The following ATG7 variants were observed in gnomAD, a reference collection of about 807,000 sequenced individuals.
The protein encoded by ATG7 is ubiquitin-like modifier-activating enzyme ATG7.
In ATG7, 70 loss-of-function variants were observed where a neutral mutation model predicts 82.4. That is an observed-to-expected ratio of 0.85 (90% CI 0.70 to 1.04). The LOEUF is 1.04. Among genes scored for constraint, ATG7 ranks in the 50% least tolerant of loss-of-function variants. The probability of loss-of-function intolerance (pLI) is 0.00; values close to 1 mark genes in which losing one functional copy is unlikely to be tolerated. For synonymous variants in ATG7, 287 were observed against 313.0 expected, an observed-to-expected ratio of 0.92 and a Z score of 0.88; for missense variants, 792 against 864.3, an observed-to-expected ratio of 0.92 and a Z score of 1.05.
chr3:11,509,001 A>G (rs2091900336), intron 20 of ATG7, among the ~76,000 whole-genome samples: 2 of 152,224 alleles, frequency 1.3e-5, no homozygotes, highest in African/African-American at 2.4e-5. Context: ...TTTCCAAACA[A>G]ACAGATCCCT....
intron 20 of ATG7, among the ~76,000 whole-genome samples, chr3:11,551,222 A>G (rs772643189): frequency 1.3e-5 from 2 of 152,134 alleles, no homozygotes; most frequent in Non-Finnish European, 2.9e-5. Flanking sequence ...CGGGGGTTTC[A>G]TGGCGTCTCC....
At chr3:11,390,154 T>C (rs2078678050) in intron 19 of ATG7, among the ~76,000 whole-genome samples, 1 of 152,242 alleles carries the variant, frequency 6.6e-6, no homozygotes, top group South Asian at 2.1e-4. Context: ...CTATTTATTT[T>C]GTTGCCTGAG....
In ATG7 at chr3:11,318,265, G is replaced by A. The variant is rs554359273; in HGVS notation, c.678+2772G>A. On this transcript the variant is annotated intron_variant, in intron 9 of 20. Coordinates refer to ENST00000693202, the MANE Select transcript of ATG7 (RefSeq NM_001349232.2). ...CCTGGAATTACTCAGCACACGTGAT[G>A]AACACCTCCTTATGGGCCAGAAATT... is the stretch of plus-strand genomic sequence containing the variant. Among the ~76,000 whole-genome samples the A allele has an allele frequency of 2.6e-5, 4 of 152,242 alleles. No individual in the cohort carries two copies. In the South Asian group the frequency reaches 8.3e-4, roughly 32 times the overall value.
At chr3:11,337,807 T>C (rs1429914561) in intron 11 of ATG7, among the ~76,000 whole-genome samples, 1 of 152,074 alleles carries the variant, frequency 6.6e-6, no homozygotes, top group East Asian at 1.9e-4. Flanking sequence ...CTTTTGAGTA[T>C]AGAGAACTTT....
intron 14 of ATG7, 168 bp downstream of exon 14, chr3:11,348,203 A>C: frequency 1.0e-6 from 1 of 956,658 alleles, no homozygotes; most frequent in Non-Finnish European, 1.5e-6. Flanking sequence ...GGGATAAAAA[A>C]ACACAACCAG....
intron 20 of ATG7, among the ~76,000 whole-genome samples, chr3:11,468,358 T>A (rs562459131): frequency 6.6e-6 from 1 of 152,172 alleles, no homozygotes; most frequent in Non-Finnish European, 1.5e-5. Flanking sequence ...CTGGAAGAAC[T>A]GATGGCTTTT....
At chr3:11,520,980 T>C (rs1344550681) in intron 20 of ATG7, among the ~76,000 whole-genome samples, 2 of 152,006 alleles carry the variant, frequency 1.3e-5, no homozygotes. Flanking sequence ...AGGGGAGTAG[T>C]AGTTGCTCCA....
intron 18 of ATG7, among the ~76,000 whole-genome samples, chr3:11,377,507 C>T (rs956143158): frequency 4.6e-5 from 7 of 152,090 alleles, no homozygotes; most frequent in African/African-American, 1.7e-4. Context: ...GATCTACTTT[C>T]TCCCTGTCCC....
chr3:11,558,853 G>A (rs774991073), downstream of ATG7: 9 of 1,606,752 alleles, frequency 5.6e-6, no homozygotes, highest in African/African-American at 2.7e-5. Flanking sequence ...AAGGCAGGCA[G>A]TCAGACACAG....
chr3:11,302,142 G>A (rs1946880404), intron 5 of ATG7, among the ~76,000 whole-genome samples: 1 of 152,236 alleles, frequency 6.6e-6, no homozygotes, highest in Non-Finnish European at 1.5e-5. Context: ...GGTCCCCATT[G>A]TGTGAAAATA....
intron 11 of ATG7, among the ~76,000 whole-genome samples, chr3:11,340,262 TTAGA>T (rs1320638097): frequency 6.6e-6 from 1 of 151,912 alleles, no homozygotes; most frequent in African/African-American, 2.4e-5. Context: ...CTTGGCTTGC[TTAGA>T]TAGAGAAGCC....
intron 20 of ATG7, among the ~76,000 whole-genome samples, chr3:11,518,076 A>G (rs1451949952): frequency 6.6e-6 from 1 of 152,162 alleles, no homozygotes; most frequent in Non-Finnish European, 1.5e-5. Flanking sequence ...GGTGAGTGGG[A>G]GAGAGGAAGG....
intron 20 of ATG7, among the ~76,000 whole-genome samples, chr3:11,452,106 A>G (rs2085246859): frequency 6.6e-6 from 1 of 151,962 alleles, no homozygotes; most frequent in Non-Finnish European, 1.5e-5. Context: ...TTCTGGAGCC[A>G]GGTGTGGTGC....
intron 19 of ATG7, among the ~76,000 whole-genome samples, chr3:11,385,120 C>G (rs1303433605): frequency 6.6e-6 from 1 of 152,186 alleles, no homozygotes; most frequent in African/African-American, 2.4e-5. Context: ...GCCTCCGCCT[C>G]CTGGGTTCAA....
At chr3:11,428,892 A>C (rs2082601691) in intron 20 of ATG7, among the ~76,000 whole-genome samples, 1 of 152,192 alleles carries the variant, frequency 6.6e-6, no homozygotes, top group African/African-American at 2.4e-5. Context: ...TCTAGATTTA[A>C]CCTGGTTTAT....
intron 20 of ATG7, among the ~76,000 whole-genome samples, chr3:11,488,816 T>C (rs868278654): frequency 1.3e-5 from 2 of 152,240 alleles, no homozygotes; most frequent in African/African-American, 4.8e-5. Flanking sequence ...AGTATTTTAT[T>C]GAGGATTTTT....
chr3:11,470,790 A>T (rs568241270), intron 20 of ATG7, among the ~76,000 whole-genome samples: 1 of 152,222 alleles, frequency 6.6e-6, no homozygotes, highest in East Asian at 1.9e-4. Context: ...AGGAGAGGAG[A>T]TGGGATTTAG....
chr3:11,378,696 A>AAAAAAG, intron 18 of ATG7, among the ~76,000 whole-genome samples: 1 of 151,242 alleles, frequency 6.6e-6, no homozygotes, highest in African/African-American at 2.4e-5. Flanking sequence ...AAAAAAAAAA[A>AAAAAAG]AAAAAAAAAA....
At chr3:11,339,668 T>C (rs1239959644) in intron 11 of ATG7, among the ~76,000 whole-genome samples, 3 of 152,160 alleles carry the variant, frequency 2.0e-5, no homozygotes, top group African/African-American at 7.2e-5. Context: ...TGCAAAGCAA[T>C]TGAGATGTTT....
Sources: gnomAD v4.1 joint callset for allele counts (sites outside exome capture counted in the v4.1 genomes callset) on GRCh38, gnomAD v4.1.1 for gene constraint, MANE v1.5 for transcripts, NCBI Gene and HGNC (gene_info 2026-07-23, HGNC 2026-07-21) for gene names.